Variants in SPATA13 observed in about 807,000 individuals in gnomAD.
SPATA13 encodes the protein spermatogenesis associated 13.
A neutral mutation model predicts 104.0 loss-of-function variants in SPATA13; 50 were observed. The ratio of observed to expected loss-of-function variants is 0.48; its 90% CI spans 0.38 to 0.61. The LOEUF is 0.61. SPATA13 is among the 20% of genes least tolerant of loss of function. The probability of loss-of-function intolerance (pLI) is 0.00; values close to 1 mark genes in which losing one functional copy is unlikely to be tolerated. For missense variants in SPATA13, 1,524 were observed against 1,690.6 expected, an observed-to-expected ratio of 0.90 and a Z score of 1.73; for synonymous variants, 606 against 667.5, an observed-to-expected ratio of 0.91 and a Z score of 1.42.
At chr13:24,221,071 G>T (rs151219849) in intron 1 of SPATA13, among the ~76,000 whole-genome samples, 1 of 152,304 alleles carries the variant, frequency 6.6e-6, no homozygotes, top group East Asian at 1.9e-4. Flanking sequence ...TACAGTCAGG[G>T]TCGTGAGGCC....
chr13:24,217,982 G>C (rs1871350159), intron 1 of SPATA13, among the ~76,000 whole-genome samples: 1 of 152,250 alleles, frequency 6.6e-6, no homozygotes, highest in Admixed American at 6.5e-5. Context: ...AGATAACAAT[G>C]GCTGGAGAAA....
At chr13:23,986,886 C>G (rs1293314773) in intron 2 of SPATA13, among the ~76,000 whole-genome samples, 1 of 152,070 alleles carries the variant, frequency 6.6e-6, no homozygotes, top group African/African-American at 2.4e-5. Context: ...ATCATGGGAT[C>G]TCGTTGTGCA....
intron 2 of SPATA13, 140 bp from the exon 3 acceptor site, chr13:24,249,337 A>G (rs1873342389): frequency 1.9e-6 from 2 of 1,080,094 alleles, no homozygotes; most frequent in Non-Finnish European, 1.3e-6. Context: ...ATGTTCTAGT[A>G]CACAAATAAC....
chr13:24,225,765 C>T (rs981399874), intron 2 of SPATA13, among the ~76,000 whole-genome samples: 24 of 152,186 alleles, frequency 1.6e-4, no homozygotes, highest in African/African-American at 5.1e-4. Flanking sequence ...CCACTCTTCA[C>T]GCCTGCAGTC....
At chr13:24,122,459 C>A in intron 3 of SPATA13, 2 of 1,607,006 alleles carry the variant, frequency 1.2e-6, no homozygotes, top group Admixed American at 3.3e-5. Context: ...TCTTCACCAG[C>A]CTGCTTAGCC....
chr13:24,173,823 G>A (rs776474791), intron 1 of SPATA13, among the ~76,000 whole-genome samples: 1 of 152,072 alleles, frequency 6.6e-6, no homozygotes, highest in Non-Finnish European at 1.5e-5. Flanking sequence ...ATGGAATGAA[G>A]CCCATTTGGT....
chr13:24,227,048 A>T (rs1370822165), intron 2 of SPATA13, among the ~76,000 whole-genome samples: 1 of 152,160 alleles, frequency 6.6e-6, no homozygotes, highest in African/African-American at 2.4e-5. Context: ...AGGAGTAGTT[A>T]CCAGACTTAG....
intron 2 of SPATA13, among the ~76,000 whole-genome samples, chr13:23,992,932 C>T (rs544675522): frequency 2.8e-4 from 42 of 152,316 alleles, no homozygotes; most frequent in African/African-American, 1.0e-3. Flanking sequence ...TACTATTCTT[C>T]TGTTTACAAT....
At chr13:24,237,378 A>C (rs1279802168) in intron 2 of SPATA13, among the ~76,000 whole-genome samples, 1 of 149,638 alleles carries the variant, frequency 6.7e-6, no homozygotes, top group East Asian at 1.9e-4. Context: ...AAAACAAAAC[A>C]AAAAAAACAT....
intron 2 of SPATA13, among the ~76,000 whole-genome samples, chr13:23,994,302 A>G (rs1260591079): frequency 1.3e-5 from 2 of 152,220 alleles, no homozygotes; most frequent in Admixed American, 6.5e-5. Flanking sequence ...AATTTGAAAC[A>G]TATCTCATGT....
rs71070673 is a variant in SPATA13, at chr13:24,269,741, ATTT to A, written c.2165-14369_2165-14367del. On this transcript the variant is annotated intron_variant, in intron 4 of 12. Coordinates refer to ENST00000382108, the MANE Select transcript of SPATA13 (RefSeq NM_001166271.3). ...ATGCCACTATGCATGGCTAATATAA[ATTT>A]TTTTTTTTTTTTTTTTTTTTTTTTA... Among the ~76,000 whole-genome samples the A allele has an allele frequency of 6.1e-3, 465 of 75,920 alleles. 1 individual carries two copies. Among genetic ancestry groups the A allele is most frequent in the African/African-American group, 0.026 (448 of 17,380 alleles). The allele number at this position is 75,920 out of a possible 152,430, so 49.8% of individuals were successfully genotyped here. A position where few individuals can be genotyped will look rare whatever the true frequency, so the allele number is the denominator to read the frequency against.
chr13:24,219,759 C>T (rs1871465146), intron 1 of SPATA13, among the ~76,000 whole-genome samples: 1 of 152,196 alleles, frequency 6.6e-6, no homozygotes, highest in Admixed American at 6.5e-5. Context: ...ACCTGCAGTT[C>T]GTCTCAAAGA....
chr13:24,288,722 C>G (rs1439810281), intron 7 of SPATA13, among the ~76,000 whole-genome samples: 1 of 152,154 alleles, frequency 6.6e-6, no homozygotes, highest in Non-Finnish European at 1.5e-5. Flanking sequence ...GTGACGACAC[C>G]AATTTTTGAG....
At chr13:24,154,520 T>G (rs1020915274) in intron 3 of SPATA13, among the ~76,000 whole-genome samples, 4 of 151,918 alleles carry the variant, frequency 2.6e-5, no homozygotes, top group African/African-American at 9.7e-5. Context: ...TACTGGGCAT[T>G]GCTAACGGGG....
intron 3 of SPATA13, among the ~76,000 whole-genome samples, chr13:24,154,509 G>A (rs4628803): frequency 6.6e-6 from 1 of 151,946 alleles, no homozygotes; most frequent in African/African-American, 2.4e-5. Context: ...TACCTTTGGG[G>A]TACTGGGCAT....
intron 3 of SPATA13, among the ~76,000 whole-genome samples, chr13:24,086,830 T>C (rs1382101990): frequency 1.3e-5 from 2 of 152,070 alleles, no homozygotes; most frequent in African/African-American, 4.8e-5. Context: ...TGGCAGCAGC[T>C]GAAGCCAGCA....
intron 3 of SPATA13, among the ~76,000 whole-genome samples, chr13:24,115,652 A>G (rs1880809085): frequency 6.6e-6 from 1 of 152,234 alleles, no homozygotes; most frequent in Non-Finnish European, 1.5e-5. Context: ...GCTGGTTTAC[A>G]ACCGCAATGA....
intron 2 of SPATA13, among the ~76,000 whole-genome samples, chr13:24,000,187 G>A (rs1165775724): frequency 6.6e-6 from 1 of 152,214 alleles, no homozygotes; most frequent in African/African-American, 2.4e-5. Flanking sequence ...GAAAGGAGAA[G>A]GACATTGTGC....
chr13:24,231,356 G>A (rs534680308), intron 2 of SPATA13, among the ~76,000 whole-genome samples: 16 of 152,088 alleles, frequency 1.1e-4, no homozygotes, highest in African/African-American at 3.1e-4. Flanking sequence ...CCTGTAATAC[G>A]TGGTCTTTTG....
Sources: allele counts gnomAD v4.1 joint callset (sites outside exome capture counted in the v4.1 genomes callset), GRCh38; gene constraint gnomAD v4.1.1; transcripts MANE v1.5; gene names NCBI Gene and HGNC (gene_info 2026-07-23, HGNC 2026-07-21).